PLEKHA5: variants seen among roughly 807,000 people sequenced by gnomAD.
PLEKHA5 encodes the protein pleckstrin homology domain-containing family A member 5.
In PLEKHA5, 55 loss-of-function variants were observed where a neutral mutation model predicts 181.9. That is an observed-to-expected ratio of 0.30 (90% CI 0.24 to 0.38). The LOEUF (loss-of-function observed/expected upper bound fraction) is 0.38, where lower values mean the gene tolerates loss of function less well. Among genes scored for constraint, PLEKHA5 ranks in the 10% least tolerant of loss-of-function variants. PLEKHA5 has a pLI of 1.00. For synonymous variants in PLEKHA5, 535 were observed against 529.4 expected (o/e 1.01, Z -0.15); for missense variants, 1,432 against 1,549.5 (o/e 0.92, Z 1.27).
chr12:19,266,152 T>C (rs1327995977), intron 8 of PLEKHA5, among the ~76,000 whole-genome samples: 1 of 152,052 alleles, frequency 6.6e-6, no homozygotes, highest in Non-Finnish European at 1.5e-5. Context: ...TATTATACGT[T>C]TTTTCAACGT....
intron 3 of PLEKHA5, among the ~76,000 whole-genome samples, chr12:19,252,243 C>T (rs570699112): frequency 6.6e-6 from 1 of 152,100 alleles, no homozygotes; most frequent in East Asian, 1.9e-4. Context: ...ATGAAATTTA[C>T]CTGGAAGTTT....
chr12:19,230,148 T>G (rs1424281040), intron 3 of PLEKHA5, among the ~76,000 whole-genome samples: 1 of 151,958 alleles, frequency 6.6e-6, no homozygotes, highest in Non-Finnish European at 1.5e-5. Context: ...GTTCTCCAGG[T>G]CCCCACCAGA....
At chr12:19,234,647 T>A (rs1161903095) in intron 3 of PLEKHA5, among the ~76,000 whole-genome samples, 1 of 152,218 alleles carries the variant, frequency 6.6e-6, no homozygotes, top group Non-Finnish European at 1.5e-5. Context: ...AACATTGTGC[T>A]GCAATTTTAT....
chr12:19,284,367 C>A (rs2076796065), intron 12 of PLEKHA5, among the ~76,000 whole-genome samples: 3 of 152,112 alleles, frequency 2.0e-5, no homozygotes, highest in Admixed American at 2.0e-4. Context: ...CTGTGCCTGG[C>A]CTAGACCACA....
intron 3 of PLEKHA5, among the ~76,000 whole-genome samples, chr12:19,242,884 A>G (rs61433700): frequency 6.6e-6 from 1 of 152,190 alleles, no homozygotes; most frequent in African/African-American, 2.4e-5. Context: ...AATGGTAGAA[A>G]TGTGAGGTAA....
chr12:19,161,464 G>A lies in PLEKHA5; in HGVS notation c.227+29014G>A, dbSNP rs558388788. The stretch of plus-strand genomic sequence containing the variant: ...GTGTTAAAAACTAACAGACTTACCG[G>A]TTAGCTGCTTATTAAAACGCACAAT... On this transcript the variant is annotated intron_variant, in intron 3 of 31. Transcript: ENST00000429027. 4.1e-4 allele frequency among the ~76,000 whole-genome samples: 63 copies of A among 152,140 alleles called. No individual in the cohort carries two copies. The South Asian group carries it at 0.013, about 31-fold the overall frequency.
chr12:19,283,244 C>A, intron 11 of PLEKHA5, 36 bp from the exon 12 acceptor site: 1 of 1,358,778 alleles, frequency 7.4e-7, no homozygotes, highest in Non-Finnish European at 1.0e-6. Context: ...AATAACCCTC[C>A]TTCATGTTTA....
intron 7 of PLEKHA5, among the ~76,000 whole-genome samples, chr12:19,265,526 A>G (rs544219891): frequency 1.3e-5 from 2 of 152,200 alleles, no homozygotes; most frequent in Non-Finnish European, 2.9e-5. Flanking sequence ...TATGTTTTTC[A>G]GTGAATGACA....
At chr12:19,171,226 C>T (rs937586709) in intron 3 of PLEKHA5, among the ~76,000 whole-genome samples, 3 of 152,054 alleles carry the variant, frequency 2.0e-5, no homozygotes, top group African/African-American at 7.2e-5. Flanking sequence ...AAGAAGAAAT[C>T]AATTGAGAGA....
At chr12:19,341,166 A>G (rs148596109) in intron 21 of PLEKHA5, among the ~76,000 whole-genome samples, 13 of 152,166 alleles carry the variant, frequency 8.5e-5, no homozygotes, top group Non-Finnish European at 1.8e-4. Context: ...AATTCCAGCT[A>G]TTTGGGAGGC....
intron 15 of PLEKHA5, among the ~76,000 whole-genome samples, chr12:19,299,739 G>A (rs1007050132): frequency 6.6e-6 from 1 of 152,094 alleles, no homozygotes; most frequent in South Asian, 2.1e-4. Context: ...GTAAGCCCTC[G>A]GTAAATGGGA....
chr12:19,153,049 C>T (rs1202314469), intron 3 of PLEKHA5: 5 of 142,838 alleles, frequency 3.5e-5, no homozygotes, highest in Admixed American at 1.4e-4. Context: ...TAATCTTTTT[C>T]CATTCCAGTC....
intron 3 of PLEKHA5, among the ~76,000 whole-genome samples, chr12:19,158,876 T>G (rs1052431549): frequency 1.3e-5 from 2 of 152,206 alleles, no homozygotes; most frequent in Non-Finnish European, 2.9e-5. Flanking sequence ...TGTATATGTA[T>G]ACTTTAAGTA....
In PLEKHA5 at chr12:19,161,007, A is replaced by G. The variant is rs144772083; in HGVS notation, c.227+28557A>G. Among the ~76,000 whole-genome samples, 701 of 152,324 alleles carry G rather than the reference A, an allele frequency of 4.6e-3. 5 individuals carry two copies. The highest frequency in any genetic ancestry group is 0.016 in the African/African-American group (670 of 41,572). ...TTTCATTTTAATCAAAGGATTTATT[A>G]TAGAAACACTAGTCTTTTAATCTTT... On this transcript the variant is annotated intron_variant, in intron 3 of 31. Transcript: ENST00000429027.
intron 11 of PLEKHA5, among the ~76,000 whole-genome samples, chr12:19,275,926 A>G (rs564012678): frequency 5.9e-5 from 9 of 152,330 alleles, no homozygotes; most frequent in African/African-American, 2.2e-4. Context: ...ATAATTCTCT[A>G]GTAGAGGAGA....
chr12:19,287,611 G>A (rs1408659106), intron 13 of PLEKHA5, 55 bp downstream of exon 13: 1 of 934,522 alleles, frequency 1.1e-6, no homozygotes, highest in Non-Finnish European at 1.7e-6. Context: ...TGCACAGGAA[G>A]GTACATATCT....
chr12:19,194,551 C>T (rs2052156530), intron 3 of PLEKHA5, among the ~76,000 whole-genome samples: 1 of 152,174 alleles, frequency 6.6e-6, no homozygotes, highest in African/African-American at 2.4e-5. Context: ...TACAAATTTA[C>T]ATCCCTACCA....
chr12:19,164,456 A>T, intron 3 of PLEKHA5, among the ~76,000 whole-genome samples: 1 of 152,022 alleles, frequency 6.6e-6, no homozygotes, highest in South Asian at 2.1e-4. Context: ...CAGCCTCCCA[A>T]AGTGCTGGGA....
intron 22 of PLEKHA5, 34 bp from the exon 23 acceptor site, chr12:19,345,808 T>A: frequency 9.8e-7 from 1 of 1,022,930 alleles, no homozygotes; most frequent in South Asian, 1.4e-5. Context: ...TAGAAAGATA[T>A]GTTTAATATA....
Sources: allele counts gnomAD v4.1 joint callset (sites outside exome capture counted in the v4.1 genomes callset), GRCh38; gene constraint gnomAD v4.1.1; transcripts MANE v1.5; gene names NCBI Gene and HGNC (gene_info 2026-07-23, HGNC 2026-07-21).